The following KLHL1 variants were observed in gnomAD, a reference collection of about 807,000 sequenced individuals.
The protein encoded by KLHL1 is kelch like family member 1, also known as kelch-like protein 1.
KLHL1 carries 47 observed loss-of-function variants against 77.7 expected under a neutral mutation model. The observed-to-expected ratio is 0.60, with a 90% CI of 0.48 to 0.77. KLHL1 has a LOEUF of 0.77. Ranked by LOEUF, KLHL1 falls within the 30% of genes least tolerant of loss-of-function variation. The pLI is 0.00. For missense variants in KLHL1, 925 were observed against 910.8 expected (o/e 1.02, Z -0.20); for synonymous variants, 360 against 325.2 (o/e 1.11, Z -1.15).
At chr13:70,080,386 T>A (rs571902124) in intron 1 of KLHL1, among the ~76,000 whole-genome samples, 1 of 152,186 alleles carries the variant, frequency 6.6e-6, no homozygotes, top group Non-Finnish European at 1.5e-5. Context: ...AGGAACGATC[T>A]TTAAAATTAA....
At chr13:69,755,097 G>A (rs942249510) in intron 7 of KLHL1, among the ~76,000 whole-genome samples, 1 of 152,094 alleles carries the variant, frequency 6.6e-6, no homozygotes, top group Non-Finnish European at 1.5e-5. Flanking sequence ...GTGGAGCCTG[G>A]TGGGAAGTGA....
intron 3 of KLHL1, among the ~76,000 whole-genome samples, chr13:69,943,741 A>G (rs1278283569): frequency 6.6e-6 from 1 of 152,198 alleles, no homozygotes; most frequent in Non-Finnish European, 1.5e-5. Flanking sequence ...TAAACTGATT[A>G]TAACACTTTT....
rs575211102 is a variant in KLHL1, at chr13:69,987,987, A to T, written c.498-12185T>A. Among the ~76,000 whole-genome samples, 5 of 152,000 alleles carry T rather than the reference A, an allele frequency of 3.3e-5. No individual in the cohort carries two copies. The South Asian group carries it at 1.0e-3, about 32-fold the overall frequency. On this transcript the variant is annotated intron_variant, in intron 1 of 10. Coordinates refer to ENST00000377844, the MANE Select transcript of KLHL1 (RefSeq NM_020866.3). ...TATCTTTTATTTTAGGTTCAGTGGT[A>T]CATGTTCAGGCTTGTTATAGAGGCG...
intron 5 of KLHL1, among the ~76,000 whole-genome samples, chr13:69,851,389 T>G (rs1593887206): frequency 6.6e-6 from 1 of 151,778 alleles, no homozygotes; most frequent in Admixed American, 6.6e-5. Flanking sequence ...AGGAGCCTGA[T>G]GCAGACTCAA....
chr13:69,777,056 T>C (rs113307744), intron 7 of KLHL1, among the ~76,000 whole-genome samples: 7 of 152,086 alleles, frequency 4.6e-5, no homozygotes, highest in African/African-American at 1.7e-4. Context: ...AATTGAATCA[T>C]GGGGTGGGTA....
chr13:70,061,856 T>A (rs761240002), intron 1 of KLHL1, among the ~76,000 whole-genome samples: 3 of 152,208 alleles, frequency 2.0e-5, no homozygotes, highest in Non-Finnish European at 4.4e-5. Flanking sequence ...TAGAGAGTGA[T>A]GTTTTGATAT....
At chr13:70,075,776 T>TAC (rs1887255998) in intron 1 of KLHL1, among the ~76,000 whole-genome samples, 1 of 132,092 alleles carries the variant, frequency 7.6e-6, no homozygotes, top group African/African-American at 2.7e-5. Flanking sequence ...TATATATACA[T>TAC]ATATATGTAT....
At chr13:69,933,902 C>T (rs1414393242) in intron 4 of KLHL1, among the ~76,000 whole-genome samples, 6 of 151,636 alleles carry the variant, frequency 4.0e-5, no homozygotes, top group African/African-American at 1.2e-4. Context: ...TTTTGTGTCT[C>T]GGTATCAGGA....
At chr13:69,975,495 A>T in intron 2 of KLHL1, 125 bp downstream of exon 2, 1 of 792,902 alleles carries the variant, frequency 1.3e-6, no homozygotes, top group Non-Finnish European at 1.9e-6. Context: ...CAACAACAAC[A>T]ACAAAAAACT....
intron 4 of KLHL1, among the ~76,000 whole-genome samples, chr13:69,926,253 T>C (rs1184454751): frequency 6.6e-6 from 1 of 152,180 alleles, no homozygotes; most frequent in Non-Finnish European, 1.5e-5. Context: ...ACCTAACCAG[T>C]CAGAAGTGCA....
At chr13:69,811,002 C>T (rs1877855446) in intron 6 of KLHL1, among the ~76,000 whole-genome samples, 1 of 151,918 alleles carries the variant, frequency 6.6e-6, no homozygotes, top group Non-Finnish European at 1.5e-5. Context: ...TAAAAAAAGC[C>T]CTATACCAGA....
intron 5 of KLHL1, among the ~76,000 whole-genome samples, chr13:69,841,209 TAGTC>T (rs55732118): frequency 0.044 from 6,722 of 151,858 alleles, 206 homozygotes; most frequent in African/African-American, 0.074. Context: ...TTGGAAGTCT[TAGTC>T]AGAACAATCA....
chr13:69,939,378 T>C (rs4997494), intron 4 of KLHL1, among the ~76,000 whole-genome samples: 11,651 of 70,784 alleles, frequency 0.16, 1,373 homozygotes, highest in East Asian at 0.35. Context: ...TATATATATA[T>C]ACACACACAC....
chr13:69,856,309 T>TTACA (rs1879917996), intron 5 of KLHL1, among the ~76,000 whole-genome samples: 1 of 152,074 alleles, frequency 6.6e-6, no homozygotes, highest in Non-Finnish European at 1.5e-5. Context: ...ATGCATCCTG[T>TTACA]TACACATACA....
intron 5 of KLHL1, among the ~76,000 whole-genome samples, chr13:69,848,024 C>G (rs1287533110): frequency 6.6e-6 from 1 of 151,378 alleles, no homozygotes; most frequent in Admixed American, 6.6e-5. Flanking sequence ...CTAAATGAAC[C>G]CTGAGCCTAT....
intron 1 of KLHL1, among the ~76,000 whole-genome samples, chr13:70,020,624 C>T (rs1481848085): frequency 6.6e-6 from 1 of 151,998 alleles, no homozygotes; most frequent in African/African-American, 2.4e-5. Context: ...GAAGCTGTAC[C>T]TTTTATCTAT....
intron 1 of KLHL1, among the ~76,000 whole-genome samples, chr13:70,018,558 G>A (rs959042820): frequency 6.6e-6 from 1 of 152,204 alleles, no homozygotes; most frequent in Admixed American, 6.5e-5. Context: ...GGGCCTAGGT[G>A]ACTTGTTGGA....
chr13:69,831,257 C>T (rs1878749653), intron 6 of KLHL1, among the ~76,000 whole-genome samples: 1 of 149,656 alleles, frequency 6.7e-6, no homozygotes, highest in African/African-American at 2.5e-5. Flanking sequence ...AGAAATGAAA[C>T]AGGAGATATT....
At chr13:69,905,137 T>C (rs145196482) in intron 4 of KLHL1, among the ~76,000 whole-genome samples, 99 of 152,274 alleles carry the variant, frequency 6.5e-4, no homozygotes, top group African/African-American at 2.3e-3. Context: ...AAGGTTAGGA[T>C]AGATTATGTT....
Sources: gnomAD v4.1 joint callset for allele counts (sites outside exome capture counted in the v4.1 genomes callset) on GRCh38, gnomAD v4.1.1 for gene constraint, MANE v1.5 for transcripts, NCBI Gene and HGNC (gene_info 2026-07-23, HGNC 2026-07-21) for gene names.